The following CACNG3 variants were observed in gnomAD, a reference collection of about 807,000 sequenced individuals.
The protein encoded by CACNG3 is calcium voltage-gated channel auxiliary subunit gamma 3.
In CACNG3, 3 loss-of-function variants were observed where a neutral mutation model predicts 28.5. The observed-to-expected ratio is 0.11, with a 90% CI of 0.05 to 0.27. CACNG3 has a LOEUF of 0.27. CACNG3 is among the 10% of genes least tolerant of loss of function. The probability of loss-of-function intolerance (pLI) is 1.00; values close to 1 mark genes in which losing one functional copy is unlikely to be tolerated. For missense variants in CACNG3, 236 were observed against 414.4 expected (o/e 0.57, Z 3.74); for synonymous variants, 174 against 162.2 (o/e 1.07, Z -0.55).
intron 1 of CACNG3, among the ~76,000 whole-genome samples, chr16:24,265,284 A>G (rs994495622): frequency 6.7e-6 from 1 of 150,208 alleles, no homozygotes; most frequent in Non-Finnish European, 1.5e-5. Context: ...GGAAGGAAGG[A>G]AGGGAGGAAG....
At chr16:24,267,578 G>A (rs1010447205) in intron 1 of CACNG3, among the ~76,000 whole-genome samples, 13 of 151,992 alleles carry the variant, frequency 8.6e-5, no homozygotes, top group African/African-American at 2.7e-4. Flanking sequence ...TTAAACCACC[G>A]TGCCCCACCT....
chr16:24,355,918 C>T (rs1374265890), intron 3 of CACNG3, among the ~76,000 whole-genome samples: 3 of 152,098 alleles, frequency 2.0e-5, no homozygotes, highest in African/African-American at 7.2e-5. Context: ...CAATAGGAGC[C>T]CTGACCAGAA....
chr16:24,288,372 G>C (rs760222642), intron 1 of CACNG3, among the ~76,000 whole-genome samples: 43 of 152,158 alleles, frequency 2.8e-4, no homozygotes, highest in Non-Finnish European at 5.4e-4. Flanking sequence ...GGTCCCAAAA[G>C]GTTACAAGGG....
chr16:24,335,336 C>T (rs1039149764), intron 1 of CACNG3, among the ~76,000 whole-genome samples: 3 of 152,180 alleles, frequency 2.0e-5, no homozygotes, highest in Non-Finnish European at 4.4e-5. Flanking sequence ...ATGAGAATCG[C>T]TTGAACCTGG....
intron 1 of CACNG3, among the ~76,000 whole-genome samples, chr16:24,340,272 T>A (rs1899766208): frequency 1.3e-5 from 2 of 152,042 alleles, no homozygotes; most frequent in Non-Finnish European, 2.9e-5. Flanking sequence ...TGGCAGTGCA[T>A]ACCTGTAGTT....
At chr16:24,305,345 TGTGTGTGTGTGTGTG>T (rs1899172119) in intron 1 of CACNG3, among the ~76,000 whole-genome samples, 3 of 150,838 alleles carry the variant, frequency 2.0e-5, no homozygotes, top group African/African-American at 7.3e-5. Flanking sequence ...TGTGTGTGTG[TGTGTGTGTGTGTGTG>T]TGTGTGTAGA....
chr16:24,331,194 T>G (rs1899626974), intron 1 of CACNG3, among the ~76,000 whole-genome samples: 1 of 152,068 alleles, frequency 6.6e-6, no homozygotes, highest in Non-Finnish European at 1.5e-5. Flanking sequence ...GGTCCAGGAC[T>G]AACCAGAATC....
intron 1 of CACNG3, among the ~76,000 whole-genome samples, chr16:24,290,804 T>G (rs1437248316): frequency 6.6e-6 from 1 of 152,170 alleles, no homozygotes; most frequent in Non-Finnish European, 1.5e-5. Flanking sequence ...GCCTACGTAC[T>G]TAACAAGTGT....
At chr16:24,327,073 A>G (rs1484940408) in intron 1 of CACNG3, among the ~76,000 whole-genome samples, 1 of 137,852 alleles carries the variant, frequency 7.3e-6, no homozygotes, top group Admixed American at 7.8e-5. Context: ...CTCCTCATGC[A>G]GAGAGGTGGA....
chr16:24,294,890 G>A (rs999995480), intron 1 of CACNG3, among the ~76,000 whole-genome samples: 5 of 152,126 alleles, frequency 3.3e-5, no homozygotes, highest in African/African-American at 1.2e-4. Context: ...GGTGTAAAAG[G>A]ACTTTGAGAA....
chr16:24,317,884 T>TGATGA (rs1294577726), intron 1 of CACNG3, among the ~76,000 whole-genome samples: 14 of 152,096 alleles, frequency 9.2e-5, no homozygotes, highest in Admixed American at 9.2e-4. Flanking sequence ...GAAGATGGGG[T>TGATGA]GATGAGAGGT....
At chr16:24,312,959 A>AAGAAAG (rs1555460248) in intron 1 of CACNG3, among the ~76,000 whole-genome samples, 5 of 139,740 alleles carry the variant, frequency 3.6e-5, no homozygotes, top group Non-Finnish European at 7.8e-5. Flanking sequence ...AAGAAAGAGA[A>AAGAAAG]AGAAAGAAAA....
At chr16:24,341,976 C>T (rs541033555) in intron 1 of CACNG3, among the ~76,000 whole-genome samples, 84 of 152,290 alleles carry the variant, frequency 5.5e-4, no homozygotes, top group Non-Finnish European at 1.0e-3. Flanking sequence ...TTTTAAATTG[C>T]AGCAGCATAG....
intron 1 of CACNG3, among the ~76,000 whole-genome samples, chr16:24,288,098 G>A (rs1461420110): frequency 6.6e-6 from 1 of 152,164 alleles, no homozygotes; most frequent in Non-Finnish European, 1.5e-5. Context: ...CTTTGAAATA[G>A]GCGTAATTAT....
At chr16:24,316,764 T>C (rs950661997) in intron 1 of CACNG3, among the ~76,000 whole-genome samples, 1 of 152,172 alleles carries the variant, frequency 6.6e-6, no homozygotes, top group African/African-American at 2.4e-5. Flanking sequence ...TTTGGCCCAG[T>C]TAATCTGGCT....
At chr16:24,298,789 T>G (rs1899067006) in intron 1 of CACNG3, among the ~76,000 whole-genome samples, 1 of 152,222 alleles carries the variant, frequency 6.6e-6, no homozygotes, top group Non-Finnish European at 1.5e-5. Flanking sequence ...AAACTTTCCT[T>G]GTTTTTGATG....
chr16:24,265,778 A>T (rs866288684), intron 1 of CACNG3, among the ~76,000 whole-genome samples: 6 of 152,276 alleles, frequency 3.9e-5, no homozygotes, highest in Admixed American at 6.5e-5. Flanking sequence ...TAAAAAATTT[A>T]TAGAAACTTG....
chr16:24,294,727 G>A (rs543060972), intron 1 of CACNG3, among the ~76,000 whole-genome samples: 13 of 152,246 alleles, frequency 8.5e-5, no homozygotes, highest in African/African-American at 2.9e-4. Context: ...GAAAAAACAT[G>A]TTGTAGAAAG....
At chr16:24,310,512 C>T (rs1162669819) in intron 1 of CACNG3, among the ~76,000 whole-genome samples, 3 of 152,070 alleles carry the variant, frequency 2.0e-5, no homozygotes, top group Non-Finnish European at 2.9e-5. Flanking sequence ...TGCAGTGAGT[C>T]GAGATTGCAC....
Sources: gnomAD v4.1 joint callset for allele counts (sites outside exome capture counted in the v4.1 genomes callset) on GRCh38, gnomAD v4.1.1 for gene constraint, MANE v1.5 for transcripts, NCBI Gene and HGNC (gene_info 2026-07-23, HGNC 2026-07-21) for gene names.